The following GALNTL6 variants were observed in gnomAD, a reference collection of about 807,000 sequenced individuals.
GALNTL6 encodes the protein polypeptide N-acetylgalactosaminyltransferase-like 6.
GALNTL6 carries 46 observed loss-of-function variants against 73.7 expected under a neutral mutation model. That is an observed-to-expected ratio of 0.62 (90% CI 0.49 to 0.80). The LOEUF (loss-of-function observed/expected upper bound fraction) is 0.80, where lower values mean the gene tolerates loss of function less well. Among genes scored for constraint, GALNTL6 ranks in the 30% least tolerant of loss-of-function variants. GALNTL6 has a pLI of 0.00. For missense variants in GALNTL6, 604 were observed against 755.0 expected, an observed-to-expected ratio of 0.80 and a Z score of 2.34; for synonymous variants, 259 against 263.7, an observed-to-expected ratio of 0.98 and a Z score of 0.17.
chr4:172,052,340 AGATGGGCTTGAACACGC>A (rs1730899126), intron 2 of GALNTL6: 2 of 731,108 alleles, frequency 2.7e-6, no homozygotes. Context: ...GCTTATTTAG[AGATGGGCTTGAACACGC>A]CCTTGAAGAC....
At chr4:172,905,578 A>C (rs961398671) in intron 8 of GALNTL6, among the ~76,000 whole-genome samples, 34 of 152,096 alleles carry the variant, frequency 2.2e-4, no homozygotes, top group Non-Finnish European at 4.3e-4. Context: ...ATACACTAGA[A>C]TGTAACCTCA....
intron 2 of GALNTL6, among the ~76,000 whole-genome samples, chr4:172,095,506 C>T (rs981855859): frequency 6.6e-6 from 1 of 152,008 alleles, no homozygotes; most frequent in African/African-American, 2.4e-5. Flanking sequence ...AAAAGCAGTA[C>T]CCTTTGTTAT....
intron 2 of GALNTL6, among the ~76,000 whole-genome samples, chr4:171,851,837 T>G (rs1735531533): frequency 6.6e-6 from 1 of 152,170 alleles, no homozygotes; most frequent in South Asian, 2.1e-4. Flanking sequence ...CATAAATATT[T>G]CAAAAGAGCT....
At chr4:172,082,225 G>A (rs1486466673) in intron 2 of GALNTL6, among the ~76,000 whole-genome samples, 1 of 152,040 alleles carries the variant, frequency 6.6e-6, no homozygotes, top group African/African-American at 2.4e-5. Context: ...ATTAGCTATG[G>A]GGAAGGAATG....
chr4:172,512,087 A>C lies in GALNTL6; in HGVS notation c.553+163398A>C, dbSNP rs1330957558. Among the ~76,000 whole-genome samples, 2 of 54,948 alleles carry C rather than the reference A, an allele frequency of 3.6e-5. 1 individual carries two copies. Among genetic ancestry groups the C allele is most frequent in the Non-Finnish European group, 8.4e-5 (2 of 23,696 alleles). The allele number at this position is 54,948 out of a possible 152,430, so 36.0% of individuals were successfully genotyped here. ...GCCATGTATCTCATTTCTTATGTCT[A>C]GTAGTAATTGTTGTATAAATTTGGG... On this transcript the variant is annotated intron_variant, in intron 5 of 12. Transcript: ENST00000506823.
At chr4:172,952,014 A>AT in intron 9 of GALNTL6, 23 bp from the exon 10 acceptor site, 3 of 1,421,098 alleles carry the variant, frequency 2.1e-6, no homozygotes, top group Non-Finnish European at 2.8e-6. Context: ...AATAAATGAC[A>AT]TTTTTGTTTT....
At chr4:172,874,641 G>A (rs1044651125) in intron 7 of GALNTL6, among the ~76,000 whole-genome samples, 1 of 152,180 alleles carries the variant, frequency 6.6e-6, no homozygotes, top group Non-Finnish European at 1.5e-5. Context: ...TGTATCGTTA[G>A]GTGTGTGGTT....
intron 7 of GALNTL6, among the ~76,000 whole-genome samples, chr4:172,834,043 G>A (rs1397746224): frequency 3.3e-5 from 5 of 152,208 alleles, no homozygotes; most frequent in African/African-American, 1.2e-4. Context: ...CTTGAACCCA[G>A]GAGACGGAGG....
At chr4:172,363,245 T>A (rs1742438062) in intron 5 of GALNTL6, among the ~76,000 whole-genome samples, 1 of 152,206 alleles carries the variant, frequency 6.6e-6, no homozygotes, top group Admixed American at 6.5e-5. Flanking sequence ...AATGTGTCTC[T>A]ATAACGGTTC....
intron 5 of GALNTL6, among the ~76,000 whole-genome samples, chr4:172,725,869 G>C (rs1302271605): frequency 6.6e-6 from 1 of 152,234 alleles, no homozygotes; most frequent in African/African-American, 2.4e-5. Flanking sequence ...TCTGATAGAA[G>C]TTAGAGGTTT....
rs182122158 is a variant in GALNTL6, at chr4:171,961,245, C to A, written c.138+146527C>A. On this transcript the variant is annotated intron_variant, in intron 2 of 12. Transcript: ENST00000506823. Reference sequence around the variant, plus strand: ...TTTGACTTATAGAGCCAACAAAAGCCCCTTGGGTAAACTGTCTTCATACCT... The same window carrying A: ...TTTGACTTATAGAGCCAACAAAAGCACCTTGGGTAAACTGTCTTCATACCT... 3.3e-5 allele frequency among the ~76,000 whole-genome samples: 5 copies of A among 152,162 alleles called. No homozygotes were observed. In the East Asian group the frequency reaches 9.7e-4, roughly 29 times the overall value.
intron 5 of GALNTL6, among the ~76,000 whole-genome samples, chr4:172,774,959 C>CAATAAT (rs57591714): frequency 0.079 from 11,038 of 140,434 alleles, 585 homozygotes; most frequent in African/African-American, 0.15. Flanking sequence ...GGCTCCATCT[C>CAATAAT]AATAATAATA....
intron 5 of GALNTL6, among the ~76,000 whole-genome samples, chr4:172,490,762 G>T (rs2110745224): frequency 6.6e-6 from 1 of 152,198 alleles, no homozygotes; most frequent in South Asian, 2.1e-4. Context: ...ATCTGTACCA[G>T]GCCTGAGAGT....
intron 3 of GALNTL6, among the ~76,000 whole-genome samples, chr4:172,293,736 A>T (rs1739554487): frequency 6.6e-6 from 1 of 151,564 alleles, no homozygotes; most frequent in South Asian, 2.1e-4. Context: ...ATATATTATA[A>T]ATATATTACT....
At chr4:173,034,563 T>C (rs553796506) in intron 12 of GALNTL6, among the ~76,000 whole-genome samples, 9 of 152,264 alleles carry the variant, frequency 5.9e-5, no homozygotes, top group Admixed American at 1.3e-4. Flanking sequence ...CCAGGGTGCA[T>C]AGCTGCTTAG....
intron 2 of GALNTL6, among the ~76,000 whole-genome samples, chr4:171,955,702 A>T (rs1739022686): frequency 6.6e-6 from 1 of 152,068 alleles, no homozygotes; most frequent in African/African-American, 2.4e-5. Context: ...ATATATTTTT[A>T]TCAATAATAG....
At chr4:172,489,911 A>G (rs1327047559) in intron 5 of GALNTL6, among the ~76,000 whole-genome samples, 1 of 152,208 alleles carries the variant, frequency 6.6e-6, no homozygotes, top group Non-Finnish European at 1.5e-5. Flanking sequence ...CATGCTACAT[A>G]TTGGATACAA....
intron 5 of GALNTL6, among the ~76,000 whole-genome samples, chr4:172,606,676 CTATAT>C (rs1177100557): frequency 6.9e-5 from 3 of 43,746 alleles, no homozygotes; most frequent in African/African-American, 1.4e-4. Context: ...TATATATATA[CTATAT>C]ATATAGTATA....
intron 5 of GALNTL6, among the ~76,000 whole-genome samples, chr4:172,453,957 A>C (rs1451159172): frequency 1.3e-5 from 2 of 152,214 alleles, no homozygotes; most frequent in African/African-American, 4.8e-5. Context: ...AAATATAGTA[A>C]ACAATACTAT....
Sources: allele counts gnomAD v4.1 joint callset (sites outside exome capture counted in the v4.1 genomes callset), GRCh38; gene constraint gnomAD v4.1.1; transcripts MANE v1.5; gene names NCBI Gene and HGNC (gene_info 2026-07-23, HGNC 2026-07-21).